Variants in MAF observed in about 807,000 individuals in gnomAD.
MAF encodes transcription factor Maf.
MAF carries 10 observed loss-of-function variants against 22.0 expected under a neutral mutation model. The observed-to-expected ratio is 0.45, with a 90% CI of 0.28 to 0.77. The LOEUF (loss-of-function observed/expected upper bound fraction) is 0.77, where lower values mean the gene tolerates loss of function less well. Among genes scored for constraint, MAF ranks in the 30% least tolerant of loss-of-function variants. MAF has a pLI of 0.12. For missense variants in MAF, 544 were observed against 548.4 expected, an observed-to-expected ratio of 0.99 and a Z score of 0.08; for synonymous variants, 337 against 255.8, an observed-to-expected ratio of 1.32 and a Z score of -3.03.
At chr16:79,580,160 G>C in the MAF span, among the ~76,000 whole-genome samples, 27 of 152,248 alleles carry the variant, frequency 1.8e-4, no homozygotes, top group Admixed American at 1.8e-3. Flanking sequence ...TCCAGGGTCA[G>C]GACCAAAACA....
At chr16:79,534,852 C>T in the MAF span, among the ~76,000 whole-genome samples, 9 of 152,148 alleles carry the variant, frequency 5.9e-5, no homozygotes, top group African/African-American at 2.2e-4. Flanking sequence ...TGGAAAGAAA[C>T]ATCCAAAATT....
At chr16:79,515,064 A>G in the MAF span, among the ~76,000 whole-genome samples, 1 of 152,210 alleles carries the variant, frequency 6.6e-6, no homozygotes, top group Non-Finnish European at 1.5e-5. Context: ...CACCTTTGTA[A>G]ATGGGGGACA....
the MAF span, among the ~76,000 whole-genome samples, chr16:79,250,213 C>T: frequency 6.6e-6 from 1 of 152,238 alleles, no homozygotes; most frequent in Non-Finnish European, 1.5e-5. Context: ...TGTTCTGGCT[C>T]TTGTGCATGG....
the MAF span, among the ~76,000 whole-genome samples, chr16:79,274,515 A>G: frequency 6.6e-6 from 1 of 152,136 alleles, no homozygotes; most frequent in East Asian, 1.9e-4. Flanking sequence ...CTGACAGCAC[A>G]TGGACTTTCG....
At chr16:79,553,622 C>T in the MAF span, among the ~76,000 whole-genome samples, 7 of 152,366 alleles carry the variant, frequency 4.6e-5, no homozygotes, top group South Asian at 4.1e-4. Context: ...TACAAGCTCG[C>T]TCCCAAAAAT....
chr16:79,282,284 T>G, the MAF span, among the ~76,000 whole-genome samples: 4 of 152,126 alleles, frequency 2.6e-5, no homozygotes, highest in Non-Finnish European at 4.4e-5. Flanking sequence ...GCCCAGGCAT[T>G]AAGGAAGCCA....
the MAF span, among the ~76,000 whole-genome samples, chr16:79,224,213 A>C: frequency 1.3e-5 from 2 of 152,234 alleles, no homozygotes; most frequent in Non-Finnish European, 2.9e-5. Context: ...AACATATGCA[A>C]ATCAGTAAAC....
chr16:79,298,225 G>A, the MAF span, among the ~76,000 whole-genome samples: 1 of 152,216 alleles, frequency 6.6e-6, no homozygotes, highest in Non-Finnish European at 1.5e-5. Context: ...CAGGAAAGGA[G>A]ATGTGGCATC....
the MAF span, among the ~76,000 whole-genome samples, chr16:79,409,582 T>C: frequency 6.6e-6 from 1 of 151,774 alleles, no homozygotes; most frequent in South Asian, 2.1e-4. Flanking sequence ...CCAGGAGGAG[T>C]GATTTGATTT....
At chr16:79,568,504 C>G in the MAF span, among the ~76,000 whole-genome samples, 1 of 152,134 alleles carries the variant, frequency 6.6e-6, no homozygotes, top group South Asian at 2.1e-4. Flanking sequence ...TTTCACTTCA[C>G]CAAATTCTCA....
the MAF span, among the ~76,000 whole-genome samples, chr16:79,287,271 T>C: frequency 6.6e-6 from 1 of 152,218 alleles, no homozygotes; most frequent in Non-Finnish European, 1.5e-5. Context: ...GGCAGGCTGT[T>C]AGACACCTGC....
chr16:79,571,055 C>G, the MAF span, among the ~76,000 whole-genome samples: 1 of 151,592 alleles, frequency 6.6e-6, no homozygotes, highest in Non-Finnish European at 1.5e-5. Context: ...CTAGAAAGGT[C>G]TGGCACTGAT....
chr16:79,470,649 C>T, the MAF span, among the ~76,000 whole-genome samples: 1 of 152,188 alleles, frequency 6.6e-6, no homozygotes, highest in South Asian at 2.1e-4. Flanking sequence ...TCCCATTTAT[C>T]AGCTGAGAAA....
the MAF span, among the ~76,000 whole-genome samples, chr16:79,527,296 T>A: frequency 1.3e-5 from 2 of 152,184 alleles, no homozygotes. Context: ...CAAATATAGC[T>A]CTAAGCTTGC....
chr16:79,524,294 C>G, the MAF span, among the ~76,000 whole-genome samples: 1 of 152,332 alleles, frequency 6.6e-6, no homozygotes, highest in African/African-American at 2.4e-5. Context: ...CCTTCTTGCT[C>G]AGATTGCCTG....
chr16:79,427,129 CTT>C, the MAF span, among the ~76,000 whole-genome samples: 1 of 152,204 alleles, frequency 6.6e-6, no homozygotes, highest in East Asian at 1.9e-4. Context: ...GTAGGAAACT[CTT>C]AGGAAATTAT....
chr16:79,421,280 A>G, the MAF span, among the ~76,000 whole-genome samples: 4 of 152,192 alleles, frequency 2.6e-5, no homozygotes, highest in African/African-American at 9.6e-5. Context: ...TGTGCAGTCT[A>G]TGGGACTGAC....
At chr16:79,556,503 G>A in the MAF span, among the ~76,000 whole-genome samples, 1 of 152,222 alleles carries the variant, frequency 6.6e-6, no homozygotes, top group Non-Finnish European at 1.5e-5. Flanking sequence ...GAAGGAGACT[G>A]TAAGCTGAGA....
chr16:79,245,002 C>G, the MAF span, among the ~76,000 whole-genome samples: 1 of 152,050 alleles, frequency 6.6e-6, no homozygotes, highest in Non-Finnish European at 1.5e-5. Flanking sequence ...GTTGGGAAAA[C>G]TGGCTAGCCA....
Sources: gnomAD v4.1 joint callset for allele counts (sites outside exome capture counted in the v4.1 genomes callset) on GRCh38, gnomAD v4.1.1 for gene constraint, MANE v1.5 for transcripts, NCBI Gene and HGNC (gene_info 2026-07-23, HGNC 2026-07-21) for gene names.